PRR5: variants seen among roughly 807,000 people sequenced by gnomAD.
PRR5 encodes proline rich 5.
Under a neutral mutation model 30.6 loss-of-function variants are expected in PRR5, and 25 were observed. The ratio of observed to expected loss-of-function variants is 0.82; its 90% confidence interval spans 0.60 to 1.14. PRR5 has a LOEUF of 1.14. Ranked by LOEUF, PRR5 falls within the 50% of genes most tolerant of loss-of-function variation. PRR5 has a pLI of 0.00. For missense variants in PRR5, 600 were observed against 547.1 expected (o/e 1.10, Z -0.96); for synonymous variants, 286 against 247.1 (o/e 1.16, Z -1.48).
At chr22:44,723,143 G>A (rs5765937) in intron 2 of PRR5, among the ~76,000 whole-genome samples, 15,950 of 151,810 alleles carry the variant, frequency 0.11, 1,022 homozygotes, top group East Asian at 0.22. Context: ...CCACCACCAC[G>A]CCCAGCTAAT....
At chr22:44,704,942 C>T (rs984847653) in intron 1 of PRR5, among the ~76,000 whole-genome samples, 2 of 152,212 alleles carry the variant, frequency 1.3e-5, no homozygotes, top group Non-Finnish European at 2.9e-5. Flanking sequence ...TGCTCCTGCT[C>T]CTAGCGGTGC....
At position 44,691,484 on chromosome 22, in the gene PRR5, A is replaced by C. The variant is rs1353856028; in HGVS notation, c.-10-11008A>C. 2.0e-5 allele frequency among the ~76,000 whole-genome samples: 3 copies of C among 151,398 alleles called. No homozygotes were observed. The highest frequency in any genetic ancestry group is 7.2e-5 in the African/African-American group (3 of 41,418). On this transcript the variant is annotated intron_variant, in intron 1 of 8. Transcript: ENST00000006251. This position sits in a 1 kb window ranked among gnomAD's most constrained non-coding sequence, Gnocchi z 4.4. ...GCTGACTCCTCCTGCCCCTGTGAAG[A>C]GTTGGGGCCCCTCCAGCGCCCCTGC...
upstream of PRR5, among the ~76,000 whole-genome samples, chr22:44,699,016 G>A (rs979360185): frequency 2.0e-5 from 3 of 152,082 alleles, no homozygotes; most frequent in East Asian, 1.9e-4. Context: ...CCCTCCTGGC[G>A]CTGGGCTGTT....
At chr22:44,726,440 C>A in intron 3 of PRR5, 137 bp from the exon 4 acceptor site, 1 of 1,265,560 alleles carries the variant, frequency 7.9e-7, no homozygotes, top group African/African-American at 1.5e-5. Context: ...AGCAGGTGGA[C>A]TGTGGGACCT....
At chr22:44,698,026 G>A (rs760719621), upstream of PRR5, among the ~76,000 whole-genome samples, 71 of 152,316 alleles carry the variant, frequency 4.7e-4, 1 homozygote, top group Admixed American at 3.5e-3. Context: ...AGAGTCCCGG[G>A]TTCATGAGCT....
chr22:44,676,466 G>C (rs1393820732), upstream of PRR5, among the ~76,000 whole-genome samples: 1 of 150,920 alleles, frequency 6.6e-6, no homozygotes, highest in East Asian at 1.9e-4. Flanking sequence ...GAAAAAACTG[G>C]CTCAGAGAGT....
chr22:44,716,427 T>C (rs547823647), intron 2 of PRR5, among the ~76,000 whole-genome samples: 26 of 152,326 alleles, frequency 1.7e-4, no homozygotes, highest in Non-Finnish European at 3.4e-4. Context: ...TTTCAGCACA[T>C]TGGGAAGCCA....
intron 4 of PRR5, among the ~76,000 whole-genome samples, chr22:44,727,155 CAG>C (rs1423662446): frequency 6.7e-6 from 1 of 149,410 alleles, no homozygotes; most frequent in Non-Finnish European, 1.5e-5. Flanking sequence ...CAGTGCACAT[CAG>C]GGGTGGGGGC....
At position 44,691,882 on chromosome 22, in the gene PRR5, C is replaced by T. The variant is rs1449452502; in HGVS notation, c.-10-10610C>T. Reference sequence around the variant, plus strand: ...TTGCCACCCTGGTTGGACGCCCCTCCTCCACGAGGGAAGCCAGGGCCTTGC... The same window carrying T: ...TTGCCACCCTGGTTGGACGCCCCTCTTCCACGAGGGAAGCCAGGGCCTTGC... On this transcript the variant is annotated intron_variant, in intron 1 of 8. Transcript: ENST00000006251. The surrounding 1 kb of genome is among the most constrained non-coding windows in gnomAD (Gnocchi z 4.4). Among the ~76,000 whole-genome samples the T allele has an allele frequency of 6.6e-6, 1 of 152,174 alleles. No homozygotes were observed. The highest frequency in any genetic ancestry group is 1.5e-5 in the Non-Finnish European group (1 of 68,012).
chr22:44,706,793 G>C (rs1927275362), intron 1 of PRR5, among the ~76,000 whole-genome samples: 1 of 152,166 alleles, frequency 6.6e-6, no homozygotes, highest in African/African-American at 2.4e-5. Flanking sequence ...CTCCCAGAGT[G>C]CTGGGATTAC....
In PRR5 at chr22:44,727,238, C is replaced by T. The variant is rs148029058; in HGVS notation, c.322+604C>T. 1.4e-4 allele frequency among the ~76,000 whole-genome samples: 22 copies of T among 152,172 alleles called. No individual in the cohort carries two copies. The East Asian group carries it at 2.7e-3, about 19-fold the overall frequency. On this transcript the variant is annotated intron_variant, in intron 4 of 7. Transcript: ENST00000336985. ...GCCCTTCTCACGGCCCGGAGGTCCC[C>T]GCTGGCCTCACTGTGCAGGTTGGGC...
At chr22:44,706,591 A>G (rs1367306870) in intron 1 of PRR5, among the ~76,000 whole-genome samples, 7 of 152,186 alleles carry the variant, frequency 4.6e-5, no homozygotes, top group Non-Finnish European at 2.9e-5. Flanking sequence ...GTACAGTGGC[A>G]CAATCATGGC....
intron 1 of PRR5, among the ~76,000 whole-genome samples, chr22:44,689,805 C>T (rs1183235387): frequency 1.3e-5 from 2 of 152,188 alleles, no homozygotes; most frequent in Non-Finnish European, 2.9e-5. Flanking sequence ...CCCGCCACCA[C>T]GCCTGGCTAA....
At chr22:44,704,247 C>A (rs528251460) in intron 1 of PRR5, among the ~76,000 whole-genome samples, 1 of 152,308 alleles carries the variant, frequency 6.6e-6, no homozygotes, top group Non-Finnish European at 1.5e-5. Context: ...GAGGGCTCCA[C>A]AGGAATCAGT....
chr22:44,712,800 C>T lies in PRR5; in HGVS notation c.135-1791C>T, dbSNP rs138879561. Among the ~76,000 whole-genome samples, 130 of 152,222 alleles carry T rather than the reference C, an allele frequency of 8.5e-4. No homozygotes were observed. In the East Asian group the frequency reaches 0.011, roughly 13 times the overall value. ...GAGCTGCAGCTAGGTCCTGGGTGGG[C>T]GGTGGCTGTTGTACCCAGACCTGGT... is the stretch of plus-strand genomic sequence containing the variant. On this transcript the variant is annotated intron_variant, in intron 1 of 7. Transcript: ENST00000336985.
chr22:44,726,253 G>A (rs1375980331), intron 3 of PRR5, among the ~76,000 whole-genome samples: 2 of 152,226 alleles, frequency 1.3e-5, no homozygotes, highest in Non-Finnish European at 2.9e-5. Flanking sequence ...ACCTCTTGAT[G>A]CAAAGTCCTT....
At chr22:44,718,547 GACTCTGTGGT>G (rs1322256147) in intron 2 of PRR5, among the ~76,000 whole-genome samples, 1 of 152,148 alleles carries the variant, frequency 6.6e-6, no homozygotes, top group Non-Finnish European at 1.5e-5. Flanking sequence ...GTCCCATGAT[GACTCTGTGGT>G]TATCTCTTTG....
upstream of PRR5, among the ~76,000 whole-genome samples, chr22:44,697,262 G>T (rs1025766487): frequency 3.3e-5 from 5 of 152,192 alleles, no homozygotes; most frequent in African/African-American, 1.2e-4. Context: ...CTCCCCCAGC[G>T]TGGTGGCCCT....
At chr22:44,690,053 G>T (rs1925109009) in intron 1 of PRR5, among the ~76,000 whole-genome samples, 1 of 152,196 alleles carries the variant, frequency 6.6e-6, no homozygotes, top group Non-Finnish European at 1.5e-5. Flanking sequence ...ACAGGAGAAG[G>T]TGAGACTGAG....
Sources: allele counts gnomAD v4.1 joint callset (sites outside exome capture counted in the v4.1 genomes callset), GRCh38; gene constraint gnomAD v4.1.1; non-coding constraint Gnocchi (gnomAD v3.1); transcripts MANE v1.5; gene names NCBI Gene and HGNC (gene_info 2026-07-23, HGNC 2026-07-21).